WWOX: variants seen among roughly 807,000 people sequenced by gnomAD.
The protein encoded by WWOX is WW domain-containing oxidoreductase.
A neutral mutation model predicts 46.2 loss-of-function variants in WWOX; 69 were observed. That is an observed-to-expected ratio of 1.49 (90% CI 1.23 to 1.82). The LOEUF is 1.82. Ranked by LOEUF, WWOX falls within the 40% of genes most tolerant of loss-of-function variation. WWOX has a pLI of 0.00. For synonymous variants in WWOX, 359 were observed against 202.6 expected (o/e 1.77, Z -6.56); for missense variants, 919 against 542.6 (o/e 1.69, Z -6.89).
At chr16:78,109,985 C>CTGGAACTTTT (rs2032396242) in intron 3 of WWOX, 150 bp downstream of exon 3, 1 of 852,660 alleles carries the variant, frequency 1.2e-6, no homozygotes, top group South Asian at 1.5e-5. Flanking sequence ...TTTAACATCG[C>CTGGAACTTTT]TGGAACTTTT....
At chr16:78,331,382 C>T (rs767496014) in intron 5 of WWOX, among the ~76,000 whole-genome samples, 1 of 152,304 alleles carries the variant, frequency 6.6e-6, no homozygotes, top group South Asian at 2.1e-4. Context: ...CCAAATGAAA[C>T]AGGCAACCAG....
At chr16:78,548,272 T>C (rs1053807262) in intron 8 of WWOX, among the ~76,000 whole-genome samples, 1 of 151,924 alleles carries the variant, frequency 6.6e-6, no homozygotes, top group Non-Finnish European at 1.5e-5. Context: ...CTTCAAAAAC[T>C]TGGCAGTAGC....
intron 6 of WWOX, among the ~76,000 whole-genome samples, chr16:78,407,677 C>G (rs964404920): frequency 6.6e-6 from 1 of 152,160 alleles, no homozygotes; most frequent in African/African-American, 2.4e-5. Context: ...CTTTCTTGAT[C>G]AACTAGAACC....
intron 8 of WWOX, among the ~76,000 whole-genome samples, chr16:78,540,124 G>A (rs1037300388): frequency 1.3e-5 from 2 of 151,470 alleles, no homozygotes; most frequent in Non-Finnish European, 2.9e-5. Context: ...GCTCCGATCT[G>A]TGTTCAATTT....
At chr16:78,984,901 G>T (rs912140207) in intron 8 of WWOX, among the ~76,000 whole-genome samples, 1 of 152,020 alleles carries the variant, frequency 6.6e-6, no homozygotes, top group African/African-American at 2.4e-5. Flanking sequence ...TCTTTTTTCA[G>T]TTAATCGGCT....
intron 8 of WWOX, among the ~76,000 whole-genome samples, chr16:78,621,155 G>A (rs1204222889): frequency 6.6e-6 from 1 of 152,066 alleles, no homozygotes; most frequent in Non-Finnish European, 1.5e-5. Flanking sequence ...GAAACCAGAT[G>A]GTTTTAACTC....
intron 6 of WWOX, among the ~76,000 whole-genome samples, chr16:78,389,914 T>A (rs1237639513): frequency 2.6e-5 from 4 of 152,168 alleles, no homozygotes; most frequent in Non-Finnish European, 5.9e-5. Context: ...CACACACAGC[T>A]AATTTTTGTA....
At position 78,424,902 on chromosome 16, in the gene WWOX, C is replaced by G. The variant is rs753602303; in HGVS notation, c.638C>G (p.Thr213Ser). Residue 213 changes from threonine (T) to serine (S), a missense_variant, in exon 7 of 9, where the codon ACT becomes AGT. Coordinates refer to ENST00000566780, the MANE Select transcript of WWOX (RefSeq NM_016373.4). Reference protein sequence around the residue: ...PLHVLVCNAATFALPWSLTKD... With the variant: ...PLHVLVCNAASFALPWSLTKD... ...CATGTGCTTGTGTGCAACGCAGCAA[C>G]TTTTGCTCTACCCTGGAGTCTCACC... 9.9e-6 allele frequency: 16 copies of G among 1,614,152 alleles called. No individual in the cohort carries two copies. Among genetic ancestry groups the G allele is most frequent in the Admixed American group, 1.7e-5 (1 of 60,018 alleles).
At position 79,211,840 on chromosome 16, in the gene WWOX, G is replaced by C. The variant is rs200566063; in HGVS notation, c.*44G>C. On this transcript the variant is annotated 3_prime_UTR_variant, in exon 9 of 9. Transcript: ENST00000566780. ...GGGCACACACACCCGCCCTGTGTGT[G>C]TCCCCTCACGCAAGTGCCAGGGCTG... The C allele has an allele frequency of 4.3e-6, 7 of 1,611,472 alleles. No individual in the cohort carries two copies. The Admixed American group carries it at 1.2e-4, about 27-fold the overall frequency.
rs186231917 is a variant in WWOX at position 78,395,921 on chromosome 16, C to T, written c.605+8973C>T. ...GTCTGTTCCTCTTGATTTTAGGCAT[C>T]TTTTTCAGATGAGTTGCCATAAAAG... is the stretch of plus-strand genomic sequence containing the variant. On this transcript the variant is annotated intron_variant, in intron 6 of 8. Transcript: ENST00000566780. Among the ~76,000 whole-genome samples the T allele has an allele frequency of 1.1e-3, 170 of 152,252 alleles. 1 individual carries two copies. Among genetic ancestry groups the T allele is most frequent in the Non-Finnish European group, 1.8e-3 (124 of 68,024 alleles).
intron 8 of WWOX, among the ~76,000 whole-genome samples, chr16:78,858,327 T>TAG (rs1486425311): frequency 1.9e-5 from 2 of 107,526 alleles, no homozygotes; most frequent in Non-Finnish European, 4.1e-5. Context: ...GTCATATATA[T>TAG]ATATGTGTGT....
At chr16:79,036,997 C>G (rs984610135) in intron 8 of WWOX, among the ~76,000 whole-genome samples, 23 of 152,302 alleles carry the variant, frequency 1.5e-4, no homozygotes, top group African/African-American at 5.3e-4. Flanking sequence ...TGATGGGTCT[C>G]TCATGGCTCA....
intron 8 of WWOX, among the ~76,000 whole-genome samples, chr16:78,540,274 C>G (rs1180414699): frequency 1.3e-5 from 2 of 151,868 alleles, no homozygotes; most frequent in Non-Finnish European, 2.9e-5. Flanking sequence ...AACCCAGGTG[C>G]TTTTTATAGG....
chr16:78,401,888 C>T (rs1189441332), intron 6 of WWOX, among the ~76,000 whole-genome samples: 2 of 151,900 alleles, frequency 1.3e-5, no homozygotes, highest in African/African-American at 2.4e-5. Flanking sequence ...TTAGTAGACA[C>T]GGGGTTTCAC....
chr16:78,272,189 G>A (rs1031971466), intron 5 of WWOX, among the ~76,000 whole-genome samples: 8 of 152,286 alleles, frequency 5.3e-5, no homozygotes, highest in Non-Finnish European at 8.8e-5. Flanking sequence ...TTGTGGTGTT[G>A]ACTGGGGTCA....
intron 8 of WWOX, among the ~76,000 whole-genome samples, chr16:78,923,406 T>G (rs1056684330): frequency 1.3e-5 from 2 of 152,242 alleles, no homozygotes; most frequent in Non-Finnish European, 2.9e-5. Context: ...CATTTTCTTC[T>G]ATATAAGTCC....
At chr16:78,386,660 G>A (rs1175669499) in intron 5 of WWOX, among the ~76,000 whole-genome samples, 200 bp from the exon 6 acceptor site, 2 of 106,406 alleles carry the variant, frequency 1.9e-5, no homozygotes, top group Non-Finnish European at 3.6e-5. Flanking sequence ...AGGTTTAGCA[G>A]AATCCCAGCC....
intron 8 of WWOX, among the ~76,000 whole-genome samples, chr16:78,510,102 TCTC>T (rs1449845549): frequency 1.3e-5 from 2 of 151,438 alleles, no homozygotes; most frequent in Non-Finnish European, 2.9e-5. Context: ...TGTCTGTCTC[TCTC>T]GGAAATATTC....
intron 8 of WWOX, among the ~76,000 whole-genome samples, chr16:79,068,615 C>G (rs992567356): frequency 6.6e-6 from 1 of 151,554 alleles, no homozygotes; most frequent in African/African-American, 2.4e-5. Context: ...ACCTGGGCAA[C>G]ATGGTGAGAC....
Sources: allele counts gnomAD v4.1 joint callset (sites outside exome capture counted in the v4.1 genomes callset), GRCh38; gene constraint gnomAD v4.1.1; transcripts MANE v1.5; gene names NCBI Gene and HGNC (gene_info 2026-07-23, HGNC 2026-07-21).